Variants in ZNF624 observed in about 807,000 individuals in gnomAD.
ZNF624 encodes zinc finger protein 624.
ZNF624 carries 43 observed loss-of-function variants against 74.7 expected under a neutral mutation model. That is an observed-to-expected ratio of 0.58 (90% CI 0.45 to 0.74). The LOEUF is 0.74. Ranked by LOEUF, ZNF624 falls within the 30% of genes least tolerant of loss-of-function variation. ZNF624 has a pLI of 0.00. For missense variants in ZNF624, 820 were observed against 1,030.0 expected, an observed-to-expected ratio of 0.80 and a Z score of 2.79; for synonymous variants, 331 against 341.3, an observed-to-expected ratio of 0.97 and a Z score of 0.33.
chr17:16,649,653 C>T lies in ZNF624; in HGVS notation c.87+5G>A. 1 of 1,613,864 alleles carries T rather than the reference C, an allele frequency of 6.2e-7. No homozygotes were observed. The highest frequency in any genetic ancestry group is 1.3e-5 in the African/African-American group (1 of 75,044). On this transcript the variant is annotated splice_donor_5th_base_variant and intron_variant, in intron 2 of 5. Transcript: ENST00000311331. ...GTAGGTCAAAAACAGGGAATCCCAA[C>T]TTACCAGGCGTCCAACTGAGAAAAA...
At chr17:16,644,751 G>A (rs1193437320) in intron 3 of ZNF624, among the ~76,000 whole-genome samples, 1 of 152,182 alleles carries the variant, frequency 6.6e-6, no homozygotes. Context: ...CAAGTTAACG[G>A]CAAACAATAT....
At chr17:16,629,798 C>T (rs1239808342) in intron 5 of ZNF624, among the ~76,000 whole-genome samples, 1 of 152,186 alleles carries the variant, frequency 6.6e-6, no homozygotes, top group Non-Finnish European at 1.5e-5. Flanking sequence ...AACTCCTGGC[C>T]TCCAGTGCCT....
intron 1 of ZNF624, among the ~76,000 whole-genome samples, chr17:16,651,810 G>C (rs183879329): frequency 3.2e-4 from 48 of 152,070 alleles, no homozygotes; most frequent in African/African-American, 1.1e-3. Flanking sequence ...TTATTAAAAA[G>C]GAAATTATTT....
At chr17:16,645,398 T>C (rs1909564513) in intron 3 of ZNF624, among the ~76,000 whole-genome samples, 1 of 152,118 alleles carries the variant, frequency 6.6e-6, no homozygotes, top group African/African-American at 2.4e-5. Flanking sequence ...TTGTTGTTGG[T>C]AAATTAAGTT....
chr17:16,618,553 A>C, downstream of ZNF624, among the ~76,000 whole-genome samples: 1 of 152,220 alleles, frequency 6.6e-6, no homozygotes, highest in East Asian at 1.9e-4. Context: ...AAATAGTGAC[A>C]ATTTTGAACA....
chr17:16,652,739 A>C (rs1909755866), intron 1 of ZNF624, among the ~76,000 whole-genome samples: 1 of 152,204 alleles, frequency 6.6e-6, no homozygotes, highest in Non-Finnish European at 1.5e-5. Flanking sequence ...GTACTCTCCA[A>C]GCAGACAAGA....
chr17:16,624,639 T>G, intron 5 of ZNF624, 130 bp from the exon 6 acceptor site: 1 of 854,186 alleles, frequency 1.2e-6, no homozygotes, highest in Admixed American at 3.5e-5. Flanking sequence ...CACTGACTTG[T>G]TTTTTAGTGA....
At chr17:16,647,851 C>T (rs1452115491) in intron 2 of ZNF624, among the ~76,000 whole-genome samples, 1 of 152,140 alleles carries the variant, frequency 6.6e-6, no homozygotes, top group Non-Finnish European at 1.5e-5. Context: ...AATATTTCAG[C>T]AACCTCTCAT....
intron 1 of ZNF624, among the ~76,000 whole-genome samples, chr17:16,651,541 A>C (rs964615125): frequency 6.6e-6 from 1 of 152,144 alleles, no homozygotes; most frequent in African/African-American, 2.4e-5. Context: ...AACAATGAGA[A>C]GTTGAGGGAG....
At chr17:16,626,790 C>T (rs1909083132) in intron 5 of ZNF624, among the ~76,000 whole-genome samples, 1 of 152,128 alleles carries the variant, frequency 6.6e-6, no homozygotes, top group South Asian at 2.1e-4. Flanking sequence ...GGCACAGTGG[C>T]TCACGCCTGT....
the ZNF624 span, among the ~76,000 whole-genome samples, chr17:16,615,287 T>C: frequency 6.6e-6 from 1 of 152,024 alleles, no homozygotes; most frequent in Non-Finnish European, 1.5e-5. Context: ...TTAGCAGAGA[T>C]GGGGTTTCAC....
chr17:16,642,248 G>A (rs538758182), intron 3 of ZNF624, among the ~76,000 whole-genome samples: 30 of 152,116 alleles, frequency 2.0e-4, no homozygotes, highest in African/African-American at 6.3e-4. Context: ...ATTTCAAAAC[G>A]TACTTCAAAG....
At chr17:16,650,411 T>TATAATA (rs58272736) in intron 1 of ZNF624, among the ~76,000 whole-genome samples, 1,550 of 148,090 alleles carry the variant, frequency 0.01, 23 homozygotes, top group African/African-American at 0.029. Flanking sequence ...AGGAAGCAGG[T>TATAATA]ATAATAATAA....
downstream of ZNF624, among the ~76,000 whole-genome samples, chr17:16,618,211 G>A (rs1201588922): frequency 6.6e-6 from 1 of 152,020 alleles, no homozygotes; most frequent in Non-Finnish European, 1.5e-5. Flanking sequence ...CGGGTGTGGT[G>A]GCAGGCACCT....
chr17:16,629,747 A>G (rs1909161842), intron 5 of ZNF624, among the ~76,000 whole-genome samples: 1 of 152,078 alleles, frequency 6.6e-6, no homozygotes. Context: ...TTGTATTTTT[A>G]GTAGAGACGG....
chr17:16,648,761 C>G (rs1008638652), intron 2 of ZNF624, among the ~76,000 whole-genome samples: 6 of 152,150 alleles, frequency 3.9e-5, no homozygotes, highest in Non-Finnish European at 7.3e-5. Flanking sequence ...CAAACACACA[C>G]ACACACACAT....
At chr17:16,653,543 G>A (rs1466372177) in intron 1 of ZNF624, 1 of 152,364 alleles carries the variant, frequency 6.6e-6, no homozygotes, top group Non-Finnish European at 1.5e-5. Flanking sequence ...CGGACTAGGA[G>A]GCCGCATAGG....
chr17:16,626,831 C>T (rs774170305), intron 5 of ZNF624, among the ~76,000 whole-genome samples: 2 of 151,830 alleles, frequency 1.3e-5, no homozygotes, highest in Non-Finnish European at 2.9e-5. Context: ...CCAAGGTGGG[C>T]GGATTACCTG....
intron 3 of ZNF624, among the ~76,000 whole-genome samples, chr17:16,637,065 T>TA (rs1263688494): frequency 6.6e-6 from 1 of 152,182 alleles, no homozygotes; most frequent in Non-Finnish European, 1.5e-5. Context: ...CTAGCATTCT[T>TA]ATACACCAAT....
Sources: allele counts gnomAD v4.1 joint callset (sites outside exome capture counted in the v4.1 genomes callset), GRCh38; gene constraint gnomAD v4.1.1; transcripts MANE v1.5; gene names NCBI Gene and HGNC (gene_info 2026-07-23, HGNC 2026-07-21).